ACACA: variants seen among roughly 807,000 people sequenced by gnomAD.
ACACA encodes the protein acetyl-CoA carboxylase alpha, also known as acetyl-CoA carboxylase 1.
ACACA carries 103 observed loss-of-function variants against 296.1 expected under a neutral mutation model. The ratio of observed to expected loss-of-function variants is 0.35; its 90% CI spans 0.30 to 0.41. The LOEUF is 0.41. ACACA is among the 10% of genes least tolerant of loss of function. ACACA has a pLI of 1.00. For synonymous variants in ACACA, 953 were observed against 1,038.6 expected (o/e 0.92, Z 1.58); for missense variants, 1,554 against 2,989.7 (o/e 0.52, Z 11.20).
intron 51 of ACACA, 83 bp from the exon 52 acceptor site, chr17:37,111,726 T>C (rs888160237): frequency 2.2e-5 from 23 of 1,029,452 alleles, no homozygotes; most frequent in Non-Finnish European, 3.2e-5. Flanking sequence ...CAGTTACAAT[T>C]TGTAGACCAG....
At chr17:37,240,351 T>C in intron 24 of ACACA, 125 bp downstream of exon 24, 2 of 781,736 alleles carry the variant, frequency 2.6e-6, no homozygotes, top group South Asian at 1.5e-5. Context: ...TAGGAGACTG[T>C]TTATTAATGG....
chr17:37,194,933 A>ACCCCC (rs111271581), intron 35 of ACACA, among the ~76,000 whole-genome samples: 28 of 150,440 alleles, frequency 1.9e-4, no homozygotes, highest in African/African-American at 5.9e-4. Context: ...ATTCTCTGAC[A>ACCCCC]CCCCCCCCAC....
chr17:37,217,794 G>A (rs994819711), intron 29 of ACACA, among the ~76,000 whole-genome samples: 1 of 146,406 alleles, frequency 6.8e-6, no homozygotes, highest in African/African-American at 2.5e-5. Context: ...ATAATTTTTG[G>A]TCTGTACTAG....
intron 52 of ACACA, among the ~76,000 whole-genome samples, chr17:37,098,194 C>T (rs894219939): frequency 6.6e-6 from 1 of 152,232 alleles, no homozygotes; most frequent in Non-Finnish European, 1.5e-5. Context: ...AGCCCACATG[C>T]CCTCTTTTCC....
chr17:37,114,115 C>T (rs527862105), intron 50 of ACACA, among the ~76,000 whole-genome samples: 5 of 151,670 alleles, frequency 3.3e-5, no homozygotes, highest in East Asian at 3.9e-4. Flanking sequence ...CCCAAGAGGT[C>T]GAGGCTGCAG....
In ACACA at chr17:37,188,516, T is replaced by C. The variant is rs773055788; in HGVS notation, c.4573-36A>G. The C allele has an allele frequency of 1.5e-5, 24 of 1,605,896 alleles. No homozygotes were observed. The Admixed American group carries it at 1.7e-4, about 11-fold the overall frequency. On this transcript the variant is annotated intron_variant, in intron 38 of 55. Coordinates refer to ENST00000616317, the MANE Select transcript of ACACA (RefSeq NM_198834.3). ...CACATCACCAAGCACAAAACTTAAA[T>C]ATCTTCTAACTAAGACCTGTTTCAG... is the stretch of plus-strand genomic sequence containing the variant.
intron 3 of ACACA, among the ~76,000 whole-genome samples, chr17:37,305,258 T>A (rs1307440425): frequency 1.3e-5 from 2 of 152,250 alleles, no homozygotes; most frequent in Non-Finnish European, 2.9e-5. Context: ...AAAATTGTTG[T>A]TACTAGTTTG....
intron 1 of ACACA, chr17:37,365,573 C>T (rs1029020986): frequency 1.0e-4 from 101 of 985,290 alleles, no homozygotes; most frequent in Non-Finnish European, 1.1e-4. Context: ...GTGCCTTGCC[C>T]ACAACTGTGG....
chr17:37,281,217 C>T (rs1312873953), intron 5 of ACACA, among the ~76,000 whole-genome samples: 1 of 151,956 alleles, frequency 6.6e-6, no homozygotes. Flanking sequence ...CAGCACCATG[C>T]CCAGCTAATT....
intron 48 of ACACA, 81 bp downstream of exon 48, chr17:37,125,617 A>C: frequency 1.7e-6 from 2 of 1,163,952 alleles, no homozygotes; most frequent in Non-Finnish European, 2.5e-6. Context: ...CATTATTGGT[A>C]TATATCTATA....
At chr17:37,342,439 ATATAT>A (rs2048424952) in intron 1 of ACACA, among the ~76,000 whole-genome samples, 5 of 85,626 alleles carry the variant, frequency 5.8e-5, no homozygotes, top group Non-Finnish European at 6.8e-5. Context: ...AAAAAAAAAT[ATATAT>A]ATATATATAT....
At chr17:37,161,302 G>A (rs1000808312) in intron 42 of ACACA, among the ~76,000 whole-genome samples, 2 of 152,158 alleles carry the variant, frequency 1.3e-5, no homozygotes, top group Non-Finnish European at 2.9e-5. Flanking sequence ...TCCCCTTCCA[G>A]GCTCAGTGGT....
intron 1 of ACACA, among the ~76,000 whole-genome samples, chr17:37,349,572 T>TC (rs1267947230): frequency 6.7e-6 from 1 of 150,190 alleles, no homozygotes; most frequent in Non-Finnish European, 1.5e-5. Context: ...TTTTTTTTTT[T>TC]TTGAGACAGA....
intron 5 of ACACA, among the ~76,000 whole-genome samples, chr17:37,282,909 G>A (rs115994907): frequency 1.0e-3 from 155 of 152,122 alleles, no homozygotes; most frequent in African/African-American, 3.6e-3. Context: ...TCAATATAAC[G>A]CATAAGGAAA....
At chr17:37,267,204 A>T (rs2146333931) in intron 10 of ACACA, among the ~76,000 whole-genome samples, 1 of 152,308 alleles carries the variant, frequency 6.6e-6, no homozygotes, top group East Asian at 1.9e-4. Flanking sequence ...ACTGGGCACA[A>T]CTGGCAGTTC....
intron 1 of ACACA, among the ~76,000 whole-genome samples, chr17:37,363,179 C>CTTTTTTTTTTTTTTT (rs902746004): frequency 2.7e-5 from 2 of 72,850 alleles, no homozygotes; most frequent in Non-Finnish European, 4.7e-5. Flanking sequence ...TTCTCTTTTT[C>CTTTTTTTTTTTTTTT]TTTTTTTTTT....
intron 10 of ACACA, among the ~76,000 whole-genome samples, chr17:37,266,143 G>C (rs2081759075): frequency 6.6e-6 from 1 of 152,266 alleles, no homozygotes; most frequent in East Asian, 1.9e-4. Context: ...GCCAGGCATG[G>C]TGGCTTATGT....
At chr17:37,241,588 C>T (rs8075779) in intron 23 of ACACA, among the ~76,000 whole-genome samples, 3,858 of 152,022 alleles carry the variant, frequency 0.025, 86 homozygotes, top group African/African-American at 0.056. Flanking sequence ...AGCTATAGTC[C>T]CAGCTATTCA....
At chr17:37,339,263 C>T (rs2048278674) in intron 2 of ACACA, among the ~76,000 whole-genome samples, 2 of 152,178 alleles carry the variant, frequency 1.3e-5, no homozygotes, top group Non-Finnish European at 2.9e-5. Flanking sequence ...GATGACCACA[C>T]ACAAAAGAGA....
Sources: allele counts gnomAD v4.1 joint callset (sites outside exome capture counted in the v4.1 genomes callset), GRCh38; gene constraint gnomAD v4.1.1; transcripts MANE v1.5; gene names NCBI Gene and HGNC (gene_info 2026-07-23, HGNC 2026-07-21).